COL19A1: variants seen among roughly 807,000 people sequenced by gnomAD.
COL19A1 encodes collagen type XIX alpha 1 chain.
Under a neutral mutation model 190.2 loss-of-function variants are expected in COL19A1, and 159 were observed. That is an observed-to-expected ratio of 0.84 (90% CI 0.73 to 0.95). The LOEUF (loss-of-function observed/expected upper bound fraction) is 0.95. COL19A1 is among the 40% of genes least tolerant of loss of function. The pLI, the probability that COL19A1 is intolerant of heterozygous loss-of-function variation, is 0.00. For synonymous variants in COL19A1, 509 were observed against 458.9 expected (o/e 1.11, Z -1.39); for missense variants, 1,418 against 1,431.9 (o/e 0.99, Z 0.16).
intron 14 of COL19A1, among the ~76,000 whole-genome samples, chr6:70,056,340 A>G (rs1394501785): frequency 2.0e-5 from 3 of 152,172 alleles, no homozygotes; most frequent in Non-Finnish European, 2.9e-5. Context: ...GTGTCTTCTA[A>G]CACATGTTGC....
chr6:69,955,156 G>T (rs1291882824), intron 9 of COL19A1, among the ~76,000 whole-genome samples: 1 of 152,076 alleles, frequency 6.6e-6, no homozygotes, highest in Non-Finnish European at 1.5e-5. Flanking sequence ...AAAGTGAAAA[G>T]CCCAAACATT....
At chr6:69,967,272 G>A (rs1193768303) in intron 11 of COL19A1, among the ~76,000 whole-genome samples, 1 of 152,170 alleles carries the variant, frequency 6.6e-6, no homozygotes, top group Non-Finnish European at 1.5e-5. Context: ...GCTTCTGCTG[G>A]TGTGGAAATT....
At chr6:69,873,252 T>TG (rs2149934464) in intron 1 of COL19A1, among the ~76,000 whole-genome samples, 1 of 149,052 alleles carries the variant, frequency 6.7e-6, no homozygotes, top group East Asian at 1.9e-4. Context: ...TGAAATTCCC[T>TG]GAAAAAAAAA....
chr6:70,006,805 C>A (rs1478846284), intron 11 of COL19A1, among the ~76,000 whole-genome samples: 1 of 151,614 alleles, frequency 6.6e-6, no homozygotes, highest in African/African-American at 2.4e-5. Context: ...ATCAATGATA[C>A]AAGAAAATGG....
chr6:69,986,410 A>G (rs1405532398), intron 11 of COL19A1, among the ~76,000 whole-genome samples: 1 of 152,086 alleles, frequency 6.6e-6, no homozygotes, highest in African/African-American at 2.4e-5. Flanking sequence ...GTTTCTCATA[A>G]CGTGATCTGA....
intron 45 of COL19A1, 46 bp from the exon 46 acceptor site, chr6:70,184,825 A>C (rs1452216989): frequency 6.2e-7 from 1 of 1,610,058 alleles, no homozygotes; most frequent in African/African-American, 1.3e-5. Flanking sequence ...AGACTGATGA[A>C]AAATCTTGGC....
At chr6:70,008,684 A>G (rs1275641373) in intron 11 of COL19A1, among the ~76,000 whole-genome samples, 1 of 151,966 alleles carries the variant, frequency 6.6e-6, no homozygotes, top group African/African-American at 2.4e-5. Context: ...ACTTCATTTT[A>G]TGAGGCCAAT....
intron 15 of COL19A1, among the ~76,000 whole-genome samples, chr6:70,080,777 C>T (rs750757778): frequency 6.6e-5 from 10 of 152,082 alleles, no homozygotes; most frequent in East Asian, 3.8e-4. Context: ...CGTTTCCAAG[C>T]GAGGAAATGC....
intron 11 of COL19A1, among the ~76,000 whole-genome samples, chr6:70,019,507 A>G (rs1026415294): frequency 2.6e-5 from 4 of 152,160 alleles, no homozygotes; most frequent in African/African-American, 4.8e-5. Flanking sequence ...AGAATATAAT[A>G]TTTCATATGA....
chr6:69,936,671 G>T, intron 7 of COL19A1, 114 bp from the exon 8 acceptor site: 1 of 1,357,370 alleles, frequency 7.4e-7, no homozygotes, highest in Admixed American at 2.1e-5. Flanking sequence ...TGGTTAGTAA[G>T]AAGCAGTTCT....
intron 1 of COL19A1, among the ~76,000 whole-genome samples, chr6:69,877,747 A>G (rs1048017033): frequency 2.0e-5 from 3 of 152,140 alleles, no homozygotes; most frequent in Non-Finnish European, 4.4e-5. Context: ...GAGGCTGGGC[A>G]TGGTGGCTCA....
intron 4 of COL19A1, among the ~76,000 whole-genome samples, chr6:69,907,135 G>C (rs928002640): frequency 1.4e-5 from 2 of 141,836 alleles, no homozygotes; most frequent in Non-Finnish European, 3.0e-5. Context: ...TTTTGAGACG[G>C]AGTCTCCAAA....
At chr6:69,946,908 C>T (rs1179534018) in intron 9 of COL19A1, among the ~76,000 whole-genome samples, 1 of 151,880 alleles carries the variant, frequency 6.6e-6, no homozygotes, top group Non-Finnish European at 1.5e-5. Flanking sequence ...GAAACTCTCA[C>T]TGTAGGATTT....
At chr6:69,962,906 G>T in intron 11 of COL19A1, 36 bp downstream of exon 11, 1 of 1,523,522 alleles carries the variant, frequency 6.6e-7, no homozygotes, top group African/African-American at 1.4e-5. Context: ...TCTGTAAAAA[G>T]AAATTGTTCT....
At chr6:70,017,046 A>T (rs1778151331) in intron 11 of COL19A1, among the ~76,000 whole-genome samples, 1 of 152,124 alleles carries the variant, frequency 6.6e-6, no homozygotes, top group Non-Finnish European at 1.5e-5. Context: ...CCACAAAAAG[A>T]TGTTTATTTT....
intron 2 of COL19A1, among the ~76,000 whole-genome samples, chr6:69,887,438 C>A (rs1769020574): frequency 6.6e-6 from 1 of 152,162 alleles, no homozygotes; most frequent in Non-Finnish European, 1.5e-5. Context: ...CCAAAGTTGA[C>A]AAATCTTAGT....
At chr6:70,063,706 A>G (rs1780990574) in intron 14 of COL19A1, among the ~76,000 whole-genome samples, 1 of 152,198 alleles carries the variant, frequency 6.6e-6, no homozygotes, top group East Asian at 1.9e-4. Context: ...GGTTTTTTGA[A>G]AAGATCAACA....
chr6:70,106,624 T>G (rs1783987707), intron 16 of COL19A1, among the ~76,000 whole-genome samples: 1 of 152,214 alleles, frequency 6.6e-6, no homozygotes, highest in African/African-American at 2.4e-5. Flanking sequence ...ATCAGAGTGC[T>G]TGTCATTGAA....
intron 44 of COL19A1, among the ~76,000 whole-genome samples, chr6:70,183,458 T>C (rs916382802): frequency 6.6e-6 from 1 of 152,216 alleles, no homozygotes; most frequent in African/African-American, 2.4e-5. Flanking sequence ...AAACAGGTTA[T>C]AGGGTTACGT....
Sources: gnomAD v4.1 joint callset for allele counts (sites outside exome capture counted in the v4.1 genomes callset) on GRCh38, gnomAD v4.1.1 for gene constraint, MANE v1.5 for transcripts, NCBI Gene and HGNC (gene_info 2026-07-23, HGNC 2026-07-21) for gene names.